HOGA1: variants seen among roughly 807,000 people sequenced by gnomAD.
HOGA1 encodes 4-hydroxy-2-oxoglutarate aldolase, mitochondrial.
Under a neutral mutation model 34.3 loss-of-function variants are expected in HOGA1, and 30 were observed. The observed-to-expected ratio is 0.87, with a 90% confidence interval of 0.65 to 1.19. The LOEUF is 1.19. Ranked by LOEUF, HOGA1 falls within the 50% of genes most tolerant of loss-of-function variation. The pLI, the probability that HOGA1 is intolerant of heterozygous loss-of-function variation, is 0.00. For synonymous variants in HOGA1, 161 were observed against 174.0 expected (o/e 0.93, Z 0.59); for missense variants, 417 against 436.5 (o/e 0.96, Z 0.40).
intron 6 of HOGA1, among the ~76,000 whole-genome samples, chr10:97,606,805 GA>G (rs1389628291): frequency 6.6e-6 from 1 of 152,006 alleles, no homozygotes; most frequent in Non-Finnish European, 1.5e-5. Context: ...GCCTTTGATC[GA>G]AATTGCGTTA....
chr10:97,586,734 A>G (rs1447102427), intron 1 of HOGA1, among the ~76,000 whole-genome samples: 1 of 152,030 alleles, frequency 6.6e-6, no homozygotes, highest in East Asian at 1.9e-4. Context: ...CTTCTGGGCC[A>G]CCCACCCACT....
intron 1 of HOGA1, among the ~76,000 whole-genome samples, chr10:97,589,001 C>G (rs761811870): frequency 6.6e-6 from 1 of 152,140 alleles, no homozygotes; most frequent in Non-Finnish European, 1.5e-5. Context: ...GCTCACAACC[C>G]GAACCATGCC....
intron 6 of HOGA1, among the ~76,000 whole-genome samples, chr10:97,609,959 G>A (rs892464387): frequency 9.2e-5 from 14 of 152,156 alleles, no homozygotes; most frequent in Admixed American, 2.0e-4. Flanking sequence ...TTCATCAGTG[G>A]TTCCTGGCCT....
Position 97,603,395 on chromosome 10 carries a change from T to A in HOGA1, c.834+1405T>A, listed in dbSNP as rs184883533. On this transcript the variant is annotated intron_variant, in intron 6 of 6. Transcript: ENST00000370646. The surrounding 1 kb of genome is among the most constrained non-coding windows in gnomAD (Gnocchi z 4.5). ...GGCTTAAGCAATCTTTTTAATTTTT[T>A]ATTTTTATTTTTGTAGAGATGGGGG... Among the ~76,000 whole-genome samples the A allele has an allele frequency of 7.0e-3, 1,061 of 152,054 alleles. 6 individuals carry two copies. The highest frequency in any genetic ancestry group is 0.013 in the African/African-American group (556 of 41,492).
intron 1 of HOGA1, chr10:97,590,502 A>G (rs1206045627): frequency 1.9e-6 from 3 of 1,612,514 alleles, no homozygotes. Flanking sequence ...TTCTATGGCC[A>G]CAGTCACCAC....
At chr10:97,604,496 T>TTATTTTAGTAGAG (rs2041142774) in intron 6 of HOGA1, among the ~76,000 whole-genome samples, 1 of 152,112 alleles carries the variant, frequency 6.6e-6, no homozygotes, top group Non-Finnish European at 1.5e-5. Context: ...TAATTCTTTT[T>TTATTTTAGTAGAG]TATTTTTAGT....
chr10:97,592,854 A>T (rs1309698283), intron 1 of HOGA1, among the ~76,000 whole-genome samples: 4 of 151,378 alleles, frequency 2.6e-5, no homozygotes, highest in Non-Finnish European at 5.9e-5. Flanking sequence ...AACCTCGTGA[A>T]ACCTCGTCTC....
At chr10:97,593,843 T>G (rs1271027027) in intron 1 of HOGA1, among the ~76,000 whole-genome samples, 2 of 151,418 alleles carry the variant, frequency 1.3e-5, no homozygotes, top group African/African-American at 4.8e-5. Flanking sequence ...GGGAGGGAAG[T>G]GCAGTGTCTG....
At chr10:97,610,630 CAAAAA>C (rs2041188036) in intron 6 of HOGA1, among the ~76,000 whole-genome samples, 1 of 151,942 alleles carries the variant, frequency 6.6e-6, no homozygotes, top group Non-Finnish European at 1.5e-5. Context: ...ACTAAAAATA[CAAAAA>C]TAAAATAAAA....
intron 1 of HOGA1, among the ~76,000 whole-genome samples, chr10:97,595,684 G>T (rs1335138651): frequency 6.6e-6 from 1 of 152,202 alleles, no homozygotes; most frequent in African/African-American, 2.4e-5. Flanking sequence ...AACAGAGTGA[G>T]ACTCTGTCTC....
intron 6 of HOGA1, among the ~76,000 whole-genome samples, chr10:97,609,238 T>C (rs1412870369): frequency 6.6e-6 from 1 of 152,180 alleles, no homozygotes; most frequent in Non-Finnish European, 1.5e-5. Context: ...AGAACCCGCA[T>C]GCCACCGGGA....
rs148949699 is a variant in HOGA1, at chr10:97,590,045, G to A, written c.211+5131G>A. On this transcript the variant is annotated intron_variant, in intron 1 of 6. Transcript: ENST00000370646. ...CCTTTCCGAAGAGAAGCTGGCCCTC[G>A]ACAACAATGCCAGCGCTAGTGGCAA... The A allele has an allele frequency of 2.1e-4, 336 of 1,614,092 alleles. 2 individuals carry two copies. The East Asian group carries it at 7.2e-3, about 35-fold the overall frequency.
chr10:97,612,000 A>T lies in HOGA1; in HGVS notation c.*341A>T. On this transcript the variant is annotated 3_prime_UTR_variant, in exon 7 of 7. Coordinates refer to ENST00000370646, the MANE Select transcript of HOGA1 (RefSeq NM_138413.4). The stretch of plus-strand genomic sequence containing the variant: ...GAAGGGCAGAGGGGCAAGTAGGCAC[A>T]GTAAGGGAATTTTCTTTTCTTTTTT... The T allele has an allele frequency of 3.9e-6, 1 of 255,666 alleles. No individual in the cohort carries two copies. Among genetic ancestry groups the T allele is most frequent in the Non-Finnish European group, 7.5e-6 (1 of 133,420 alleles). The allele number at this position is 255,666 out of a possible 1,614,324, so 15.8% of individuals were successfully genotyped here.
At chr10:97,610,093 C>G (rs1200279316) in intron 6 of HOGA1, among the ~76,000 whole-genome samples, 1 of 152,208 alleles carries the variant, frequency 6.6e-6, no homozygotes, top group East Asian at 1.9e-4. Flanking sequence ...TATTTCTGAT[C>G]AGCATGAAAT....
chr10:97,601,705 C>T lies in HOGA1; in HGVS notation c.701-152C>T, dbSNP rs1589909419. ...GCTCTTCTCTCTGGAAATGTATACTCTGGACTCACAGAGCATGCCTTTGAT... is the reference window on the plus strand; with the variant it reads ...GCTCTTCTCTCTGGAAATGTATACTTTGGACTCACAGAGCATGCCTTTGAT... On this transcript the variant is annotated intron_variant, in intron 5 of 6. Coordinates refer to ENST00000370646, the MANE Select transcript of HOGA1 (RefSeq NM_138413.4). 8.1e-6 allele frequency: 7 copies of T among 868,924 alleles called. No homozygotes were observed. The East Asian group carries it at 1.7e-4, about 21-fold the overall frequency. 53.8% of individuals were successfully genotyped at this position (868,924 alleles called of 1,614,324 possible).
chr10:97,601,244 A>G (rs1032200707), intron 5 of HOGA1, among the ~76,000 whole-genome samples: 2 of 152,222 alleles, frequency 1.3e-5, no homozygotes, highest in Non-Finnish European at 2.9e-5. Context: ...CCTTAGAAGC[A>G]TACTTACAGG....
intron 1 of HOGA1, 84 bp downstream of exon 1, chr10:97,584,998 T>C (rs1271667388): frequency 1.9e-5 from 22 of 1,145,036 alleles, no homozygotes; most frequent in Non-Finnish European, 2.9e-5. Flanking sequence ...ACAGGCTCTG[T>C]CAAGCTGTCC....
rs114925803 is a variant in HOGA1 at position 97,589,081 on chromosome 10, G to A, written c.211+4167G>A. 4.2e-3 allele frequency among the ~76,000 whole-genome samples: 642 copies of A among 152,232 alleles called. 5 individuals are homozygous for A. The highest frequency in any genetic ancestry group is 0.014 in the African/African-American group (588 of 41,542). On this transcript the variant is annotated intron_variant, in intron 1 of 6. Transcript: ENST00000370646. ...GGCAAGAGGTAGCAGCTACCATCCC[G>A]GAGTGGCCCCAGGGATCTAGACCCG...
intron 1 of HOGA1, among the ~76,000 whole-genome samples, chr10:97,595,841 C>T (rs1484183146): frequency 6.6e-6 from 1 of 152,222 alleles, no homozygotes; most frequent in African/African-American, 2.4e-5. Context: ...TCCCCAGTCC[C>T]TGCTTCATTG....
Sources: allele counts gnomAD v4.1 joint callset (sites outside exome capture counted in the v4.1 genomes callset), GRCh38; gene constraint gnomAD v4.1.1; non-coding constraint Gnocchi (gnomAD v3.1); transcripts MANE v1.5; gene names NCBI Gene and HGNC (gene_info 2026-07-23, HGNC 2026-07-21).